The following AGBL4 variants were observed in gnomAD, a reference collection of about 807,000 sequenced individuals.
AGBL4 encodes AGBL carboxypeptidase 4.
AGBL4 carries 58 observed loss-of-function variants against 66.4 expected under a neutral mutation model. That is an observed-to-expected ratio of 0.87 (90% CI 0.71 to 1.09). The LOEUF (loss-of-function observed/expected upper bound fraction) is 1.09, where lower values mean the gene tolerates loss of function less well. Among genes scored for constraint, AGBL4 ranks in the 50% least tolerant of loss-of-function variants. The probability of loss-of-function intolerance (pLI) is 0.00; values close to 1 mark genes in which losing one functional copy is unlikely to be tolerated. For missense variants in AGBL4, 579 were observed against 631.0 expected (o/e 0.92, Z 0.88); for synonymous variants, 234 against 222.9 (o/e 1.05, Z -0.44).
At chr1:49,527,804 T>G (rs1191425737) in intron 3 of AGBL4, among the ~76,000 whole-genome samples, 1 of 152,124 alleles carries the variant, frequency 6.6e-6, no homozygotes, top group African/African-American at 2.4e-5. Context: ...TAGCTTTGCT[T>G]CAACCTAGAA....
chr1:48,882,538 T>A (rs1340681308), intron 5 of AGBL4, among the ~76,000 whole-genome samples: 1 of 152,182 alleles, frequency 6.6e-6, no homozygotes, highest in African/African-American at 2.4e-5. Context: ...ATTAAGAATA[T>A]ATCTTGAATG....
At chr1:48,562,538 A>C (rs1644411980) in intron 11 of AGBL4, among the ~76,000 whole-genome samples, 1 of 152,324 alleles carries the variant, frequency 6.6e-6, no homozygotes, top group East Asian at 1.9e-4. Flanking sequence ...AGTTCTGTTC[A>C]TATCTTTTAC....
At chr1:48,838,450 T>C (rs1246220603) in intron 6 of AGBL4, among the ~76,000 whole-genome samples, 2 of 152,140 alleles carry the variant, frequency 1.3e-5, no homozygotes, top group Non-Finnish European at 2.9e-5. Flanking sequence ...GGAAAAGCTC[T>C]TTAGTAAATG....
chr1:49,815,732 A>ACGCTAG (rs1645214800), intron 2 of AGBL4, among the ~76,000 whole-genome samples: 1 of 152,046 alleles, frequency 6.6e-6, no homozygotes, highest in Admixed American at 6.6e-5. Context: ...ATGCTATTTC[A>ACGCTAG]TTATAGTTTT....
intron 4 of AGBL4, among the ~76,000 whole-genome samples, chr1:49,154,688 T>C (rs1345314470): frequency 3.3e-5 from 5 of 152,176 alleles, no homozygotes; most frequent in Admixed American, 3.3e-4. Context: ...TTCCATTCTC[T>C]TCCATGTTAA....
At chr1:49,489,886 T>C (rs1647151960) in intron 3 of AGBL4, among the ~76,000 whole-genome samples, 1 of 151,868 alleles carries the variant, frequency 6.6e-6, no homozygotes, top group African/African-American at 2.4e-5. Flanking sequence ...TTTATGTGTC[T>C]ATTTTTATGC....
At chr1:49,011,446 G>A (rs1317814047) in intron 5 of AGBL4, among the ~76,000 whole-genome samples, 1 of 152,180 alleles carries the variant, frequency 6.6e-6, no homozygotes, top group Admixed American at 6.5e-5. Context: ...CTGTAAACTA[G>A]TTCAACCATT....
chr1:49,275,770 A>G (rs549881604), intron 3 of AGBL4, among the ~76,000 whole-genome samples: 1 of 152,200 alleles, frequency 6.6e-6, no homozygotes, highest in East Asian at 1.9e-4. Flanking sequence ...TTTTCAAGTT[A>G]TTCTCTGATT....
At chr1:48,624,978 G>T (rs1645477261) in intron 9 of AGBL4, among the ~76,000 whole-genome samples, 1 of 151,616 alleles carries the variant, frequency 6.6e-6, no homozygotes, top group Non-Finnish European at 1.5e-5. Context: ...CGCGATCATA[G>T]CTCACTATAG....
At chr1:49,881,467 C>T (rs1647294672) in intron 1 of AGBL4, among the ~76,000 whole-genome samples, 1 of 151,658 alleles carries the variant, frequency 6.6e-6, no homozygotes, top group Non-Finnish European at 1.5e-5. Flanking sequence ...GCCACACTGA[C>T]TTCCACAATG....
chr1:48,555,322 A>G (rs1557782842), intron 11 of AGBL4, among the ~76,000 whole-genome samples: 2 of 152,206 alleles, frequency 1.3e-5, no homozygotes, highest in Non-Finnish European at 2.9e-5. Flanking sequence ...TATAGAGCTC[A>G]CAAGGGAAGA....
At chr1:49,245,675 A>AT (rs957774768) in intron 4 of AGBL4, 95 bp downstream of exon 4, 44 of 819,164 alleles carry the variant, frequency 5.4e-5, no homozygotes, top group Middle Eastern at 2.9e-4. Flanking sequence ...TTTATTTTTA[A>AT]TTTTTTTTGG....
At chr1:49,012,744 A>G (rs1219076615) in intron 5 of AGBL4, among the ~76,000 whole-genome samples, 1 of 152,186 alleles carries the variant, frequency 6.6e-6, no homozygotes, top group Non-Finnish European at 1.5e-5. Context: ...GAAAGATCCA[A>G]GAGCCCCTTT....
chr1:49,516,096 A>G (rs976417731), intron 3 of AGBL4, among the ~76,000 whole-genome samples: 3 of 151,804 alleles, frequency 2.0e-5, no homozygotes, highest in East Asian at 3.9e-4. Flanking sequence ...GACTGGCCCA[A>G]TGGAGGGGGT....
At chr1:49,796,019 C>T (rs1262621004) in intron 2 of AGBL4, among the ~76,000 whole-genome samples, 1 of 151,646 alleles carries the variant, frequency 6.6e-6, no homozygotes, top group Admixed American at 6.6e-5. Flanking sequence ...AAAATACTGG[C>T]CACAATGATA....
intron 4 of AGBL4, among the ~76,000 whole-genome samples, chr1:49,129,754 A>G (rs1269883370): frequency 3.9e-5 from 6 of 152,146 alleles, no homozygotes; most frequent in South Asian, 2.1e-4. Flanking sequence ...TGCTGTTGTG[A>G]ATAGTGCCAC....
At chr1:48,754,259 C>G (rs1031432175) in intron 6 of AGBL4, among the ~76,000 whole-genome samples, 1 of 152,148 alleles carries the variant, frequency 6.6e-6, no homozygotes, top group Admixed American at 6.5e-5. Flanking sequence ...TTACCCTCCC[C>G]CAACTGGGTC....
chr1:48,694,218 A>G (rs1455254505), intron 6 of AGBL4, among the ~76,000 whole-genome samples: 2 of 152,126 alleles, frequency 1.3e-5, no homozygotes, highest in Non-Finnish European at 2.9e-5. Context: ...CTACAGCAGC[A>G]GAGAAACGGT....
At chr1:49,726,394 T>C (rs567116942) in intron 2 of AGBL4, among the ~76,000 whole-genome samples, 2 of 152,058 alleles carry the variant, frequency 1.3e-5, no homozygotes, top group Non-Finnish European at 2.9e-5. Context: ...TTAAAGAATA[T>C]TAAATAGGAA....
Sources: allele counts gnomAD v4.1 joint callset (sites outside exome capture counted in the v4.1 genomes callset), GRCh38; gene constraint gnomAD v4.1.1; transcripts MANE v1.5; gene names NCBI Gene and HGNC (gene_info 2026-07-23, HGNC 2026-07-21).